CTNNA3: variants seen among roughly 807,000 people sequenced by gnomAD.
The protein encoded by CTNNA3 is catenin alpha-3.
A neutral mutation model predicts 95.7 loss-of-function variants in CTNNA3; 76 were observed. The ratio of observed to expected loss-of-function variants is 0.79; its 90% CI spans 0.66 to 0.96. The LOEUF is 0.96. Among genes scored for constraint, CTNNA3 ranks in the 40% least tolerant of loss-of-function variants. The pLI is 0.00. For missense variants in CTNNA3, 1,191 were observed against 1,089.8 expected (o/e 1.09, Z -1.31); for synonymous variants, 431 against 374.4 (o/e 1.15, Z -1.74).
intron 16 of CTNNA3, among the ~76,000 whole-genome samples, chr10:65,971,824 A>G (rs972624662): frequency 3.3e-5 from 5 of 152,090 alleles, no homozygotes; most frequent in African/African-American, 4.8e-5. Flanking sequence ...AACCAGCATC[A>G]TCCTGATAGG....
Position 66,324,673 on chromosome 10 carries a change from C to T in CTNNA3, c.1733-44052G>A, listed in dbSNP as rs894108693. Among the ~76,000 whole-genome samples, 4 of 152,232 alleles carry T rather than the reference C, an allele frequency of 2.6e-5. No individual in the cohort carries two copies. In the East Asian group the frequency reaches 7.8e-4, roughly 30 times the overall value. The stretch of plus-strand genomic sequence containing the variant: ...GCAACTGAACAAGTGAGCCACAAAC[C>T]TGTTCCATGTCCTGCATGGGGGATC... On this transcript the variant is annotated intron_variant, in intron 12 of 17. Transcript: ENST00000433211.
chr10:67,724,197 T>C (rs937392118), intron 1 of CTNNA3, among the ~76,000 whole-genome samples: 1 of 152,206 alleles, frequency 6.6e-6, no homozygotes. Flanking sequence ...TCTCTGGCTC[T>C]TGCTTTTAAG....
intron 13 of CTNNA3, among the ~76,000 whole-genome samples, chr10:66,144,120 T>G (rs2083755088): frequency 6.6e-6 from 1 of 152,210 alleles, no homozygotes; most frequent in African/African-American, 2.4e-5. Context: ...TTTATTGCAT[T>G]TCTGTGATTT....
intron 3 of CTNNA3, among the ~76,000 whole-genome samples, chr10:67,600,640 CTGTT>C (rs1214102965): frequency 2.0e-5 from 3 of 152,156 alleles, no homozygotes; most frequent in African/African-American, 7.2e-5. Flanking sequence ...CTTTGGAAAG[CTGTT>C]TGGTAATATC....
chr10:66,562,229 C>G (rs1299663673), intron 10 of CTNNA3, among the ~76,000 whole-genome samples: 1 of 152,076 alleles, frequency 6.6e-6, no homozygotes. Context: ...AACAGCTTGA[C>G]TTTGTTTTCA....
In CTNNA3 at chr10:66,143,827, T is replaced by C. The variant is rs2083736522; in HGVS notation, c.1885-40578A>G. 1.3e-5 allele frequency among the ~76,000 whole-genome samples: 2 copies of C among 152,176 alleles called. 1 individual carries two copies. Among genetic ancestry groups the C allele is most frequent in the South Asian group, 4.1e-4 (2 of 4,830 alleles). On this transcript the variant is annotated intron_variant, in intron 13 of 17. Coordinates refer to ENST00000433211, the MANE Select transcript of CTNNA3 (RefSeq NM_013266.4). ...CTTTAATGTGAATTTTAAAGATATA[T>C]ATGTTACAATTTTCAGAGTCTGATT...
chr10:66,244,174 G>T (rs544094959), intron 13 of CTNNA3, among the ~76,000 whole-genome samples: 1 of 152,350 alleles, frequency 6.6e-6, no homozygotes, highest in African/African-American at 2.4e-5. Context: ...CCTATGGAAA[G>T]AGGTAGGGAA....
chr10:66,538,451 A>G (rs560131503), intron 10 of CTNNA3, among the ~76,000 whole-genome samples: 3 of 152,066 alleles, frequency 2.0e-5, no homozygotes, highest in Non-Finnish European at 4.4e-5. Context: ...GTGACTTTGG[A>G]TCTATGGAAT....
chr10:66,240,233 A>G (rs746121798), intron 13 of CTNNA3, among the ~76,000 whole-genome samples: 1 of 152,060 alleles, frequency 6.6e-6, no homozygotes, highest in African/African-American at 2.4e-5. Context: ...GTAAAGCCCT[A>G]TGGAAATAAA....
At chr10:66,159,318 T>C (rs1339307613) in intron 13 of CTNNA3, among the ~76,000 whole-genome samples, 2 of 152,064 alleles carry the variant, frequency 1.3e-5, no homozygotes, top group Non-Finnish European at 2.9e-5. Context: ...TTTTATTACA[T>C]TAAGGTATGA....
intron 13 of CTNNA3, among the ~76,000 whole-genome samples, chr10:66,156,918 TA>T (rs879571624): frequency 2.0e-5 from 3 of 151,930 alleles, no homozygotes; most frequent in Admixed American, 6.6e-5. Context: ...CGTGTTTAAA[TA>T]AGGTGACTAT....
At chr10:66,353,373 T>C (rs912656043) in intron 12 of CTNNA3, among the ~76,000 whole-genome samples, 1 of 152,128 alleles carries the variant, frequency 6.6e-6, no homozygotes, top group Non-Finnish European at 1.5e-5. Context: ...TATATATTTT[T>C]AAAAGGCTAT....
intron 11 of CTNNA3, among the ~76,000 whole-genome samples, chr10:66,382,915 T>C (rs2092853840): frequency 6.6e-6 from 1 of 152,060 alleles, no homozygotes; most frequent in African/African-American, 2.4e-5. Flanking sequence ...AAAAAGATCA[T>C]CTACACCAAA....
chr10:66,406,866 T>C (rs2093061573), intron 11 of CTNNA3, among the ~76,000 whole-genome samples: 1 of 152,202 alleles, frequency 6.6e-6, no homozygotes, highest in South Asian at 2.1e-4. Flanking sequence ...GACTATTTAG[T>C]GAAATAACCA....
Position 66,399,915 on chromosome 10 carries a change from G to A in CTNNA3, c.1532-20563C>T, listed in dbSNP as rs569502098. Among the ~76,000 whole-genome samples, 16 of 151,970 alleles carry A rather than the reference G, an allele frequency of 1.1e-4. 1 individual carries two copies. The highest frequency in any genetic ancestry group is 3.4e-3 in the Middle Eastern group (1 of 294). On this transcript the variant is annotated intron_variant, in intron 11 of 17. Transcript: ENST00000433211. ...CTAAATTTATGCCACTTGTTTATAA[G>A]TTGTTTATGTCAAAATTATCTCCTT... is the stretch of plus-strand genomic sequence containing the variant.
chr10:67,383,013 T>C (rs1844006532), intron 5 of CTNNA3, among the ~76,000 whole-genome samples: 1 of 152,164 alleles, frequency 6.6e-6, no homozygotes, highest in Admixed American at 6.5e-5. Context: ...ACACAGGATT[T>C]TGAAGGGGCA....
In CTNNA3 at chr10:66,384,506, C is replaced by T. The variant is rs144580612; in HGVS notation, c.1532-5154G>A. On this transcript the variant is annotated intron_variant, in intron 11 of 17. Coordinates refer to ENST00000433211, the MANE Select transcript of CTNNA3 (RefSeq NM_013266.4). Reference sequence around the variant, plus strand: ...CAATAATAATGGGAGACTTTAACACCCCACTGTCAATATTACACAGATCAA... The same window carrying T: ...CAATAATAATGGGAGACTTTAACACTCCACTGTCAATATTACACAGATCAA... Among the ~76,000 whole-genome samples, 64 of 152,082 alleles carry T rather than the reference C, an allele frequency of 4.2e-4. 1 individual carries two copies. The highest frequency in any genetic ancestry group is 1.4e-3 in the African/African-American group (60 of 41,486).
rs189137299 is a variant in CTNNA3, at chr10:66,254,958, G to C, written c.1884+25512C>G. Among the ~76,000 whole-genome samples, 63 of 152,306 alleles carry C rather than the reference G, an allele frequency of 4.1e-4. No individual in the cohort carries two copies. The East Asian group carries it at 0.012, about 28-fold the overall frequency. On this transcript the variant is annotated intron_variant, in intron 13 of 17. Transcript: ENST00000433211. ...GTGCACTCCTTGGTATTATCCAAAG[G>C]CCAAGACAAAAAAGCAAATTTACTA... is the stretch of plus-strand genomic sequence containing the variant.
chr10:67,656,251 C>G (rs548019990), intron 1 of CTNNA3, among the ~76,000 whole-genome samples: 1 of 152,232 alleles, frequency 6.6e-6, no homozygotes, highest in Admixed American at 6.5e-5. Context: ...TGCCTGATAT[C>G]GTAAGTGATG....
Sources: gnomAD v4.1 joint callset for allele counts (sites outside exome capture counted in the v4.1 genomes callset) on GRCh38, gnomAD v4.1.1 for gene constraint, MANE v1.5 for transcripts, NCBI Gene and HGNC (gene_info 2026-07-23, HGNC 2026-07-21) for gene names.